The following MMP16 variants were observed in gnomAD, a reference collection of about 807,000 sequenced individuals.
MMP16 encodes matrix metallopeptidase 16, also known as matrix metalloproteinase-16.
MMP16 carries 12 observed loss-of-function variants against 67.8 expected under a neutral mutation model. That is an observed-to-expected ratio of 0.18 (90% CI 0.11 to 0.29). The LOEUF is 0.29. MMP16 is among the 10% of genes least tolerant of loss of function. The pLI, the probability that MMP16 is intolerant of heterozygous loss-of-function variation, is 1.00. For missense variants in MMP16, 475 were observed against 765.7 expected (o/e 0.62, Z 4.48); for synonymous variants, 249 against 255.9 (o/e 0.97, Z 0.26).
At chr8:88,126,045 A>G (rs1274320091) in intron 4 of MMP16, among the ~76,000 whole-genome samples, 1 of 151,956 alleles carries the variant, frequency 6.6e-6, no homozygotes, top group East Asian at 1.9e-4. Flanking sequence ...TATTATTTAT[A>G]TGGCAATCCT....
Position 88,041,674 on chromosome 8 carries a change from G to T in MMP16, c.1611C>A (p.Asp537Glu). 1 of 1,614,058 alleles carries T rather than the reference G, an allele frequency of 6.2e-7. No individual in the cohort carries two copies. The highest frequency in any genetic ancestry group is 1.1e-5 in the South Asian group (1 of 91,088). ...KDFMGCDGPT[D>E]RVKEGHSPPD... ...GTGGGCTGTGTCCTTCTTTAACTCT[G>T]TCTGTTGGTCCATCACAGCCCATAA... Residue 537 changes from aspartate to glutamate, a missense_variant, in exon 10 of 10, where the codon GAC becomes GAA. By Grantham distance (45) the Asp-to-Glu change is conservative. Coordinates refer to ENST00000286614, the MANE Select transcript of MMP16 (RefSeq NM_005941.5). This position sits in a 1 kb window ranked among gnomAD's most constrained non-coding sequence, Gnocchi z 6.0.
intron 6 of MMP16, among the ~76,000 whole-genome samples, chr8:88,096,579 A>C (rs1328800531): frequency 1.3e-5 from 2 of 151,824 alleles, no homozygotes; most frequent in African/African-American, 4.8e-5. Flanking sequence ...GAAAACAAGA[A>C]ATTTAGGTTC....
chr8:88,256,137 T>C (rs1181722030), intron 1 of MMP16, among the ~76,000 whole-genome samples: 1 of 152,202 alleles, frequency 6.6e-6, no homozygotes, highest in Non-Finnish European at 1.5e-5. Context: ...ACTAATTCTA[T>C]CTTCAATAGT....
rs986335788 is a variant in MMP16 at position 88,040,137 on chromosome 8, A to T, written c.*1324T>A. The stretch of plus-strand genomic sequence containing the variant: ...TTTAAAACAGAAATTCAGTATGCCT[A>T]AAAAAAAGAAAAGAAGACTTAGGCT... On this transcript the variant is annotated 3_prime_UTR_variant, in exon 10 of 10. Coordinates refer to ENST00000286614, the MANE Select transcript of MMP16 (RefSeq NM_005941.5). 7.2e-5 allele frequency: 11 copies of T among 152,448 alleles called. No homozygotes were observed. The highest frequency in any genetic ancestry group is 1.6e-4 in the Non-Finnish European group (11 of 67,986). The allele number at this position is 152,448 out of a possible 1,614,324, so 9.4% of individuals were successfully genotyped here.
intron 1 of MMP16, among the ~76,000 whole-genome samples, chr8:88,265,995 T>C (rs1238276822): frequency 6.6e-6 from 1 of 152,172 alleles, no homozygotes; most frequent in Non-Finnish European, 1.5e-5. Context: ...GCCTTGTCGA[T>C]TATAAAATGA....
intron 8 of MMP16, among the ~76,000 whole-genome samples, chr8:88,054,460 C>G (rs1338182797): frequency 6.6e-6 from 1 of 152,162 alleles, no homozygotes; most frequent in African/African-American, 2.4e-5. Flanking sequence ...AGTGGCAATA[C>G]AGTTCTTCCT....
intron 1 of MMP16, among the ~76,000 whole-genome samples, chr8:88,305,954 G>A (rs962728456): frequency 1.1e-4 from 17 of 148,906 alleles, no homozygotes; most frequent in Non-Finnish European, 1.9e-4. Context: ...AACTAAAGGC[G>A]ACAGAGACAC....
chr8:88,313,902 C>T (rs1421742162), intron 1 of MMP16, among the ~76,000 whole-genome samples: 2 of 152,026 alleles, frequency 1.3e-5, no homozygotes, highest in Non-Finnish European at 2.9e-5. Flanking sequence ...CATCAGATCT[C>T]ATGAGACTTA....
chr8:88,136,982 T>G (rs1053745346), intron 4 of MMP16, among the ~76,000 whole-genome samples: 1 of 151,818 alleles, frequency 6.6e-6, no homozygotes, highest in Non-Finnish European at 1.5e-5. Flanking sequence ...ATATACATAT[T>G]TTTTTTCTCC....
At chr8:88,127,410 T>G (rs963838213) in intron 4 of MMP16, among the ~76,000 whole-genome samples, 2 of 151,772 alleles carry the variant, frequency 1.3e-5, no homozygotes, top group Non-Finnish European at 2.9e-5. Context: ...AGGGCTAAGG[T>G]AGTGATGAAG....
At chr8:88,150,934 C>A (rs1442900960) in intron 4 of MMP16, among the ~76,000 whole-genome samples, 1 of 135,128 alleles carries the variant, frequency 7.4e-6, no homozygotes, top group East Asian at 2.2e-4. Flanking sequence ...GATAAAGAGT[C>A]AAGACCCATC....
chr8:88,088,077 T>TATATATATATTATATATATAGATATATAG, intron 6 of MMP16, among the ~76,000 whole-genome samples: 1 of 98,532 alleles, frequency 1.0e-5, no homozygotes, highest in African/African-American at 4.3e-5. Context: ...TAGATATCTA[T>TATATATATATTATATATATAGATATATAG]ATATCTATAT....
chr8:88,056,856 G>A (rs1389183508), intron 7 of MMP16, among the ~76,000 whole-genome samples: 2 of 152,118 alleles, frequency 1.3e-5, no homozygotes, highest in Non-Finnish European at 2.9e-5. Context: ...TGGTAACTGA[G>A]GGGAGGAAAA....
intron 1 of MMP16, among the ~76,000 whole-genome samples, chr8:88,232,603 TTTAATC>T (rs983840313): frequency 5.4e-4 from 82 of 152,304 alleles, no homozygotes; most frequent in Middle Eastern, 6.8e-3. Flanking sequence ...TCTAAATAGT[TTTAATC>T]TTAAGAGAAG....
chr8:88,265,909 G>C (rs950313411), intron 1 of MMP16, among the ~76,000 whole-genome samples: 9 of 152,194 alleles, frequency 5.9e-5, no homozygotes, highest in African/African-American at 2.2e-4. Flanking sequence ...AAATGGAGTT[G>C]AATGGCCTAG....
intron 6 of MMP16, among the ~76,000 whole-genome samples, chr8:88,075,924 T>C (rs1808641395): frequency 8.7e-6 from 1 of 114,506 alleles, no homozygotes; most frequent in African/African-American, 3.2e-5. Flanking sequence ...ATTTATCAAT[T>C]ACTCATATAT....
chr8:88,185,556 A>G (rs1192808628), intron 3 of MMP16, among the ~76,000 whole-genome samples: 1 of 152,220 alleles, frequency 6.6e-6, no homozygotes, highest in East Asian at 1.9e-4. Flanking sequence ...ATCATACACA[A>G]AGGGTTATTT....
At chr8:88,200,897 T>A (rs540131032) in intron 1 of MMP16, among the ~76,000 whole-genome samples, 3 of 152,068 alleles carry the variant, frequency 2.0e-5, no homozygotes, top group East Asian at 1.9e-4. Flanking sequence ...AGTAATTTTT[T>A]AAAATATGTA....
chr8:88,277,913 G>T (rs1400287411), intron 1 of MMP16, among the ~76,000 whole-genome samples: 4 of 152,144 alleles, frequency 2.6e-5, no homozygotes, highest in African/African-American at 9.7e-5. Context: ...CATTTGATAT[G>T]CTGATATTTG....
Sources: allele counts gnomAD v4.1 joint callset (sites outside exome capture counted in the v4.1 genomes callset), GRCh38; gene constraint gnomAD v4.1.1; non-coding constraint Gnocchi (gnomAD v3.1); transcripts MANE v1.5; gene names NCBI Gene and HGNC (gene_info 2026-07-23, HGNC 2026-07-21).